NCOA1: variants seen among roughly 807,000 people sequenced by gnomAD.
The protein encoded by NCOA1 is nuclear receptor coactivator 1.
In NCOA1, 35 loss-of-function variants were observed where a neutral mutation model predicts 150.9. The observed-to-expected ratio is 0.23, with a 90% CI of 0.18 to 0.31. NCOA1 has a LOEUF of 0.31. NCOA1 is among the 10% of genes least tolerant of loss of function. NCOA1 has a pLI of 1.00. For missense variants in NCOA1, 1,491 were observed against 1,749.3 expected, an observed-to-expected ratio of 0.85 and a Z score of 2.63; for synonymous variants, 590 against 630.0, an observed-to-expected ratio of 0.94 and a Z score of 0.95.
At chr2:24,547,340 C>A (rs937084125) in intron 1 of NCOA1, among the ~76,000 whole-genome samples, 1 of 152,016 alleles carries the variant, frequency 6.6e-6, no homozygotes, top group Non-Finnish European at 1.5e-5. Context: ...ACTATATATT[C>A]GTCTTGTCAT....
chr2:24,633,983 T>C (rs776738807), intron 3 of NCOA1, among the ~76,000 whole-genome samples: 13 of 152,218 alleles, frequency 8.5e-5, no homozygotes, highest in Non-Finnish European at 1.5e-4. Flanking sequence ...TATATTCACA[T>C]ACACATATGA....
Position 24,581,909 on chromosome 2 carries a change from C to T in NCOA1, c.-259-2567C>T, listed in dbSNP as rs968865569. On this transcript the variant is annotated intron_variant, in intron 2 of 22. Transcript: ENST00000348332. ...AATCATTTGATAAAATTTAACATCC[C>T]TTCATGCTAAATCTCTCAACAAATT... Among the ~76,000 whole-genome samples, 4 of 152,172 alleles carry T rather than the reference C, an allele frequency of 2.6e-5. No homozygotes were observed. The East Asian group carries it at 7.7e-4, about 29-fold the overall frequency.
intron 1 of NCOA1, among the ~76,000 whole-genome samples, chr2:24,509,552 G>A (rs745724705): frequency 1.3e-5 from 2 of 152,214 alleles, no homozygotes; most frequent in Non-Finnish European, 2.9e-5. Context: ...AAAGAACCCT[G>A]TGGTCATTTT....
At chr2:24,714,888 T>C (rs1464013699) in intron 14 of NCOA1, among the ~76,000 whole-genome samples, 1 of 151,968 alleles carries the variant, frequency 6.6e-6, no homozygotes, top group East Asian at 1.9e-4. Context: ...CTATAAGCCA[T>C]GTCATAATCA....
At chr2:24,691,376 C>T in intron 8 of NCOA1, 105 bp from the exon 9 acceptor site, 1 of 1,008,306 alleles carries the variant, frequency 9.9e-7, no homozygotes, top group Non-Finnish European at 1.5e-6. Flanking sequence ...GTCTTTTAAT[C>T]TGAGTATCTA....
At position 24,629,827 on chromosome 2, in the gene NCOA1, T is replaced by C. The variant is rs1250931781; in HGVS notation, c.-174-14139T>C. On this transcript the variant is annotated intron_variant, in intron 3 of 22. Coordinates refer to ENST00000348332, the MANE Select transcript of NCOA1 (RefSeq NM_003743.5). ...TAAGTAACATACATACATATATATA[T>C]ATATATATATATATATATATGTATT... Among the ~76,000 whole-genome samples the C allele has an allele frequency of 1.5e-4, 20 of 135,324 alleles. 1 individual carries two copies. Among genetic ancestry groups the C allele is most frequent in the African/African-American group, 5.6e-4 (19 of 33,934 alleles). The allele number at this position is 135,324 out of a possible 152,430, so 88.8% of individuals were successfully genotyped here.
At chr2:24,606,176 T>C (rs1668352987) in intron 3 of NCOA1, among the ~76,000 whole-genome samples, 2 of 152,116 alleles carry the variant, frequency 1.3e-5, no homozygotes, top group African/African-American at 4.8e-5. Context: ...TTTTGTTTCC[T>C]TAATCTTGTG....
At chr2:24,555,435 C>A (rs569519928) in intron 1 of NCOA1, among the ~76,000 whole-genome samples, 1 of 152,242 alleles carries the variant, frequency 6.6e-6, no homozygotes, top group African/African-American at 2.4e-5. Context: ...ATAGTTTTTG[C>A]TCGTGTAGAG....
chr2:24,740,036 A>G (rs1663526106), intron 18 of NCOA1, among the ~76,000 whole-genome samples: 1 of 152,092 alleles, frequency 6.6e-6, no homozygotes, highest in Non-Finnish European at 1.5e-5. Flanking sequence ...GTGGACTTCT[A>G]AATGTTACCT....
chr2:24,742,947 A>C (rs1455927380), intron 19 of NCOA1, among the ~76,000 whole-genome samples: 1 of 152,044 alleles, frequency 6.6e-6, no homozygotes, highest in Non-Finnish European at 1.5e-5. Flanking sequence ...CTTCCTCTCC[A>C]ATGTCAGTCA....
At chr2:24,629,619 T>C (rs1669597340) in intron 3 of NCOA1, among the ~76,000 whole-genome samples, 1 of 149,666 alleles carries the variant, frequency 6.7e-6, no homozygotes, top group Non-Finnish European at 1.5e-5. Context: ...GAGGATATAA[T>C]GAATAATTAA....
intron 8 of NCOA1, among the ~76,000 whole-genome samples, chr2:24,688,433 A>G (rs1030194945): frequency 2.0e-5 from 3 of 152,114 alleles, no homozygotes; most frequent in African/African-American, 7.2e-5. Flanking sequence ...TGATGTTTTA[A>G]TGATAGCTAT....
rs1016859349 is a variant in NCOA1 at position 24,704,874 on chromosome 2, T to C, written c.950-212T>C. On this transcript the variant is annotated intron_variant, in intron 11 of 22. Coordinates refer to ENST00000348332, the MANE Select transcript of NCOA1 (RefSeq NM_003743.5). ...AGGCACCCATTCAACTATGACTCAA[T>C]TAAAACCTGTCATCAAGTGGTATAT... is the stretch of plus-strand genomic sequence containing the variant. Among the ~76,000 whole-genome samples the C allele has an allele frequency of 2.6e-5, 4 of 152,192 alleles. No individual in the cohort carries two copies. The East Asian group carries it at 7.7e-4, about 29-fold the overall frequency.
At chr2:24,593,312 T>C (rs1386843073) in intron 3 of NCOA1, among the ~76,000 whole-genome samples, 1 of 152,076 alleles carries the variant, frequency 6.6e-6, no homozygotes, top group Non-Finnish European at 1.5e-5. Context: ...GGACTGGATA[T>C]GAGAATGGTT....
At chr2:24,596,502 A>C (rs1009210322) in intron 3 of NCOA1, among the ~76,000 whole-genome samples, 10 of 152,072 alleles carry the variant, frequency 6.6e-5, no homozygotes, top group African/African-American at 1.4e-4. Flanking sequence ...ACCAAAGCCC[A>C]AAAAAAATCT....
At chr2:24,517,004 GCACACACA>G (rs72422469) in intron 1 of NCOA1, among the ~76,000 whole-genome samples, 10 of 83,930 alleles carry the variant, frequency 1.2e-4, no homozygotes, top group East Asian at 3.8e-4. Flanking sequence ...ACACACGCGC[GCACACACA>G]CACACACACA....
At chr2:24,729,941 G>A in intron 17 of NCOA1, 126 bp downstream of exon 17, 1 of 982,240 alleles carries the variant, frequency 1.0e-6, no homozygotes, top group Non-Finnish European at 1.5e-6. Context: ...CGCCTCCCAG[G>A]TTCAAGCAAT....
rs1165573855 is a variant in NCOA1, at chr2:24,552,321, TTATATATATATATATATA to T, written c.-395-11958_-395-11941del. Among the ~76,000 whole-genome samples, 8 of 30,584 alleles carry T rather than the reference TTATATATATATATATATA, an allele frequency of 2.6e-4. No homozygotes were observed. The South Asian group carries it at 2.9e-3, about 11-fold the overall frequency. The allele number at this position is 30,584 out of a possible 152,430, so 20.1% of individuals were successfully genotyped here. A position where few individuals can be genotyped will look rare whatever the true frequency, so the allele number is the denominator to read the frequency against. The stretch of plus-strand genomic sequence containing the variant: ...GATTTCTCACTGTGCTTCATATATA[TTATATATATATATATATA>T]TATATATATATATATTTTTTTTTTT... On this transcript the variant is annotated intron_variant, in intron 1 of 22. Coordinates refer to ENST00000348332, the MANE Select transcript of NCOA1 (RefSeq NM_003743.5).
chr2:24,652,076 C>T (rs939352855), intron 4 of NCOA1, among the ~76,000 whole-genome samples: 1 of 152,080 alleles, frequency 6.6e-6, no homozygotes, highest in Admixed American at 6.6e-5. Context: ...AAAACTTGTA[C>T]ATAAATGTTC....
Sources: gnomAD v4.1 joint callset for allele counts (sites outside exome capture counted in the v4.1 genomes callset) on GRCh38, gnomAD v4.1.1 for gene constraint, MANE v1.5 for transcripts, NCBI Gene and HGNC (gene_info 2026-07-23, HGNC 2026-07-21) for gene names.